The following PCDHA8 variants were observed in gnomAD, a reference collection of about 807,000 sequenced individuals.
The protein encoded by PCDHA8 is protocadherin alpha 8, also known as protocadherin alpha-8.
In PCDHA8, 53 loss-of-function variants were observed where a neutral mutation model predicts 61.8. The observed-to-expected ratio is 0.86, with a 90% confidence interval of 0.69 to 1.08. The LOEUF (loss-of-function observed/expected upper bound fraction) is 1.08. Among genes scored for constraint, PCDHA8 ranks in the 50% least tolerant of loss-of-function variants. The pLI is 0.00. For synonymous variants in PCDHA8, 618 were observed against 556.6 expected, an observed-to-expected ratio of 1.11 and a Z score of -1.55; for missense variants, 1,293 against 1,245.0, an observed-to-expected ratio of 1.04 and a Z score of -0.58.
intron 1 of PCDHA8, among the ~76,000 whole-genome samples, chr5:140,943,863 G>T (rs2093580168): frequency 1.3e-5 from 2 of 152,186 alleles, no homozygotes; most frequent in Admixed American, 1.3e-4. Context: ...TCAAGAAGAG[G>T]TCTCTGAAGT....
intron 1 of PCDHA8, chr5:140,871,504 C>CT: frequency 6.3e-7 from 1 of 1,581,824 alleles, no homozygotes; most frequent in South Asian, 1.1e-5. Flanking sequence ...GGTGAGTTTT[C>CT]TACAGATTCC....
In PCDHA8 at chr5:140,849,626, A is replaced by C. The variant is rs141672026; in HGVS notation, c.2394+5911A>C. ...TTGCCCTGATTAGTGTGATCGACCT[A>C]GACGCAGATGCCAACGGGCAGGTTA... On this transcript the variant is annotated intron_variant, in intron 1 of 3. Transcript: ENST00000531613. 6.8e-4 allele frequency: 1,095 copies of C among 1,598,786 alleles called. 108 individuals carry two copies. The highest frequency in any genetic ancestry group is 1.2e-3 in the South Asian group (106 of 90,568).
At chr5:140,853,925 T>C in intron 1 of PCDHA8, 3 of 909,732 alleles carry the variant, frequency 3.3e-6, no homozygotes, top group Non-Finnish European at 4.0e-6. Context: ...TCCCAACATT[T>C]TGGGAGGCCA....
At chr5:140,946,092 G>T (rs985293430) in intron 1 of PCDHA8, among the ~76,000 whole-genome samples, 1 of 151,914 alleles carries the variant, frequency 6.6e-6, no homozygotes, top group Non-Finnish European at 1.5e-5. Context: ...CTGATAAGGA[G>T]TTAACATACC....
At chr5:140,887,661 T>A (rs1322494406) in intron 1 of PCDHA8, among the ~76,000 whole-genome samples, 1 of 152,170 alleles carries the variant, frequency 6.6e-6, no homozygotes, top group African/African-American at 2.4e-5. Context: ...CTTGGATCTG[T>A]GGATTTATCA....
chr5:140,956,243 C>T (rs2095270530), intron 1 of PCDHA8, among the ~76,000 whole-genome samples: 1 of 152,142 alleles, frequency 6.6e-6, no homozygotes, highest in African/African-American at 2.4e-5. Flanking sequence ...AAGGGGAATG[C>T]TTCCAGGTTT....
At chr5:140,863,444 G>T in intron 1 of PCDHA8, 4 of 585,532 alleles carry the variant, frequency 6.8e-6, no homozygotes, top group South Asian at 1.4e-5. Flanking sequence ...GGTCTTACTC[G>T]CAGCAAAGGA....
At chr5:140,917,238 G>A (rs144302098) in intron 1 of PCDHA8, among the ~76,000 whole-genome samples, 1 of 150,440 alleles carries the variant, frequency 6.6e-6, no homozygotes, top group Non-Finnish European at 1.5e-5. Flanking sequence ...TTAAATCTAG[G>A]TACTACGATT....
At chr5:140,971,732 T>C (rs1554233582) in intron 1 of PCDHA8, among the ~76,000 whole-genome samples, 2 of 151,638 alleles carry the variant, frequency 1.3e-5, no homozygotes, top group African/African-American at 4.8e-5. Flanking sequence ...ATCATACATA[T>C]ACACATACAT....
chr5:140,882,510 A>G (rs1276139359), intron 1 of PCDHA8: 1 of 1,614,046 alleles, frequency 6.2e-7, no homozygotes, highest in East Asian at 2.2e-5. Context: ...AATCTGCAGA[A>G]TGGCATTTTG....
chr5:140,982,499 C>T lies in PCDHA8; in HGVS notation c.2478C>T (p.Gly826=). The T allele has an allele frequency of 6.2e-7, 1 of 1,614,184 alleles. No individual in the cohort carries two copies. The highest frequency in any genetic ancestry group is 8.5e-7 in the Non-Finnish European group (1 of 1,180,024). The part of the protein sequence containing the change: ...MHSSVHLEEA[G]ILRAGPGGPD... Reference sequence around the variant, plus strand: ...GCTCTGTGCACCTAGAGGAGGCTGGCATTCTACGGGCTGGTCCAGGAGGGC... The same window carrying T: ...GCTCTGTGCACCTAGAGGAGGCTGGTATTCTACGGGCTGGTCCAGGAGGGC... The change falls in exon 3 of 4, where the codon GGC becomes GGT. Residue 826 remains glycine (G), a synonymous_variant. Transcript: ENST00000531613.
In PCDHA8 at chr5:140,937,039, C is replaced by CTT. The variant is rs34994034; in HGVS notation, c.2395-41895_2395-41894dup. On this transcript the variant is annotated intron_variant, in intron 1 of 3. Coordinates refer to ENST00000531613, the MANE Select transcript of PCDHA8 (RefSeq NM_018911.3). ...TAACAAGGTATATTCTTCCATTTATCTTTTTTTTTTTTTTTTGAGACGGAG... is the reference window on the plus strand; with the variant it reads ...TAACAAGGTATATTCTTCCATTTATCTTTTTTTTTTTTTTTTTTGAGACGGAG... 3.4e-3 allele frequency among the ~76,000 whole-genome samples: 476 copies of CTT among 140,122 alleles called. 6 individuals carry two copies. The highest frequency in any genetic ancestry group is 0.011 in the South Asian group (47 of 4,432). 91.9% of individuals were successfully genotyped at this position (140,122 alleles called of 152,430 possible).
rs531996502 is a variant in PCDHA8, at chr5:140,944,251, G to A, written c.2395-34698G>A. Among the ~76,000 whole-genome samples the A allele has an allele frequency of 2.2e-4, 33 of 152,302 alleles. No individual in the cohort carries two copies. In the South Asian group the frequency reaches 6.8e-3, roughly 32 times the overall value. On this transcript the variant is annotated intron_variant, in intron 1 of 3. Transcript: ENST00000531613. ...CGCTCAGGCTGGAGTGCAGTGATGT[G>A]ATCACTGCTCACTGCAGCCTTGACA...
chr5:140,872,178 A>G (rs549229832), intron 1 of PCDHA8, among the ~76,000 whole-genome samples: 2 of 149,926 alleles, frequency 1.3e-5, no homozygotes, highest in Admixed American at 6.6e-5. Context: ...TTTTTTTTTT[A>G]CAGTGTTAAA....
chr5:140,892,874 C>T (rs1157291129), intron 1 of PCDHA8, among the ~76,000 whole-genome samples: 2 of 152,148 alleles, frequency 1.3e-5, no homozygotes, highest in Non-Finnish European at 2.9e-5. Flanking sequence ...GCTATAATTT[C>T]GTATCCATTA....
intron 1 of PCDHA8, among the ~76,000 whole-genome samples, chr5:140,941,214 C>CCTTCCTTTCTTT (rs1554214040): frequency 1.6e-5 from 2 of 122,412 alleles, no homozygotes; most frequent in Non-Finnish European, 3.4e-5. Flanking sequence ...TTTCTTTCTT[C>CCTTCCTTTCTTT]CTTTCTTTCT....
chr5:140,950,569 T>G (rs969438550), intron 1 of PCDHA8, among the ~76,000 whole-genome samples: 2 of 152,120 alleles, frequency 1.3e-5, no homozygotes, highest in African/African-American at 4.8e-5. Context: ...TATTTTAAGG[T>G]TTTCTACTTA....
chr5:140,884,579 G>A (rs1035826331), intron 1 of PCDHA8: 5 of 1,614,058 alleles, frequency 3.1e-6, no homozygotes, highest in Admixed American at 1.7e-5. Flanking sequence ...GGACCTCATG[G>A]CCTTCAGTCC....
intron 1 of PCDHA8, chr5:140,871,054 A>G: frequency 6.2e-7 from 1 of 1,613,204 alleles, no homozygotes. Flanking sequence ...AGTACTGGTG[A>G]AGGATCACGG....
Sources: gnomAD v4.1 joint callset for allele counts (sites outside exome capture counted in the v4.1 genomes callset) on GRCh38, gnomAD v4.1.1 for gene constraint, MANE v1.5 for transcripts, NCBI Gene and HGNC (gene_info 2026-07-23, HGNC 2026-07-21) for gene names.